Variants in NAALADL2 observed in about 807,000 individuals in gnomAD.
NAALADL2 encodes the protein inactive N-acetylated-alpha-linked acidic dipeptidase-like protein 2.
NAALADL2 carries 76 observed loss-of-function variants against 87.2 expected under a neutral mutation model. The observed-to-expected ratio is 0.87, with a 90% confidence interval of 0.72 to 1.05. The LOEUF (loss-of-function observed/expected upper bound fraction) is 1.05, where lower values mean the gene tolerates loss of function less well. Ranked by LOEUF, NAALADL2 falls within the 50% of genes least tolerant of loss-of-function variation. The pLI is 0.00. For missense variants in NAALADL2, 1,089 were observed against 945.8 expected, an observed-to-expected ratio of 1.15 and a Z score of -1.99; for synonymous variants, 354 against 331.0, an observed-to-expected ratio of 1.07 and a Z score of -0.75.
intron 13 of NAALADL2, among the ~76,000 whole-genome samples, chr3:175,793,341 C>G (rs1234342171): frequency 1.4e-5 from 2 of 138,650 alleles, no homozygotes; most frequent in Non-Finnish European, 3.0e-5. Flanking sequence ...CGGAGTCTCT[C>G]TCTGTCGCCT....
At chr3:175,368,521 C>A (rs1169538372) in intron 5 of NAALADL2, among the ~76,000 whole-genome samples, 1 of 151,702 alleles carries the variant, frequency 6.6e-6, no homozygotes, top group Non-Finnish European at 1.5e-5. Flanking sequence ...ATCTCTAACA[C>A]ATTTTGGTAT....
intron 3 of NAALADL2, among the ~76,000 whole-genome samples, chr3:175,243,323 C>CACACACAT (rs1183194116): frequency 6.9e-6 from 1 of 144,266 alleles, no homozygotes; most frequent in East Asian, 2.1e-4. Context: ...TAGAAGGAAA[C>CACACACAT]ACACACACAC....
intron 5 of NAALADL2, among the ~76,000 whole-genome samples, chr3:175,398,383 C>G (rs1345947286): frequency 6.9e-6 from 1 of 144,152 alleles, no homozygotes; most frequent in Admixed American, 7.0e-5. Flanking sequence ...TTTGCAAGCA[C>G]GGATTGCCCC....
intron 11 of NAALADL2, among the ~76,000 whole-genome samples, chr3:175,698,481 A>ATATT (rs1553953626): frequency 1.8e-5 from 2 of 111,006 alleles, no homozygotes; most frequent in African/African-American, 9.2e-5. Context: ...GTGTATATAT[A>ATATT]TTTATATATA....
intron 2 of NAALADL2, among the ~76,000 whole-genome samples, chr3:174,670,686 G>A (rs1726445652): frequency 6.6e-6 from 1 of 151,800 alleles, no homozygotes. Context: ...ATTGATTTTT[G>A]ATCTTTAAAA....
intron 11 of NAALADL2, among the ~76,000 whole-genome samples, chr3:175,639,655 CT>C (rs1374364528): frequency 6.6e-6 from 1 of 152,064 alleles, no homozygotes; most frequent in Non-Finnish European, 1.5e-5. Flanking sequence ...ATAGGGAACA[CT>C]TTTGTGGTTG....
chr3:175,771,873 C>G (rs766439057), intron 13 of NAALADL2, among the ~76,000 whole-genome samples: 4 of 152,044 alleles, frequency 2.6e-5, no homozygotes, highest in Non-Finnish European at 4.4e-5. Context: ...CCTCAGGAAA[C>G]TTATACATAG....
intron 3 of NAALADL2, among the ~76,000 whole-genome samples, chr3:174,771,115 ATCAT>A (rs1417284912): frequency 6.6e-6 from 1 of 152,170 alleles, no homozygotes; most frequent in Non-Finnish European, 1.5e-5. Context: ...TATTACTTTG[ATCAT>A]TCATTCATTG....
At chr3:174,808,119 G>A (rs576149949) in intron 3 of NAALADL2, among the ~76,000 whole-genome samples, 1 of 152,134 alleles carries the variant, frequency 6.6e-6, no homozygotes, top group African/African-American at 2.4e-5. Context: ...GGTATTTCAA[G>A]TCTCTTAACT....
intron 2 of NAALADL2, among the ~76,000 whole-genome samples, chr3:174,571,996 T>A (rs532515923): frequency 5.3e-5 from 8 of 152,340 alleles, no homozygotes; most frequent in African/African-American, 1.7e-4. Context: ...GCTACCCTGT[T>A]CTTTTTATGA....
intron 1 of NAALADL2, among the ~76,000 whole-genome samples, chr3:175,094,683 G>C (rs1006253008): frequency 6.6e-6 from 1 of 150,888 alleles, no homozygotes; most frequent in Non-Finnish European, 1.5e-5. Context: ...AGAATATTTA[G>C]TATAACATGG....
intron 11 of NAALADL2, among the ~76,000 whole-genome samples, chr3:175,717,691 CAA>C (rs11401276): frequency 5.5e-5 from 6 of 109,756 alleles, no homozygotes; most frequent in Non-Finnish European, 3.9e-5. Flanking sequence ...ACCCTGTCTC[CAA>C]AAAAAAAAAA....
intron 2 of NAALADL2, among the ~76,000 whole-genome samples, chr3:174,712,035 C>A (rs567248296): frequency 6.6e-6 from 1 of 152,172 alleles, no homozygotes; most frequent in African/African-American, 2.4e-5. Flanking sequence ...GATCCACCCA[C>A]CTCGGCCTCC....
intron 5 of NAALADL2, among the ~76,000 whole-genome samples, chr3:175,395,392 A>C (rs912153023): frequency 2.0e-5 from 3 of 152,210 alleles, no homozygotes; most frequent in African/African-American, 7.2e-5. Flanking sequence ...ACTGTTATTC[A>C]TCTTTTCTAT....
chr3:175,311,701 T>TTC (rs1758386236), intron 4 of NAALADL2, among the ~76,000 whole-genome samples: 4 of 141,944 alleles, frequency 2.8e-5, no homozygotes, highest in Non-Finnish European at 3.1e-5. Context: ...CCTTCCTTCC[T>TTC]CTCTCCCTCC....
intron 2 of NAALADL2, among the ~76,000 whole-genome samples, chr3:174,601,962 G>A (rs1345014045): frequency 2.0e-5 from 3 of 152,068 alleles, no homozygotes; most frequent in Admixed American, 6.6e-5. Flanking sequence ...CTGTAGATGT[G>A]TGGATTTATT....
chr3:175,276,316 T>G (rs1753584727), intron 4 of NAALADL2, among the ~76,000 whole-genome samples: 1 of 150,998 alleles, frequency 6.6e-6, no homozygotes, highest in Non-Finnish European at 1.5e-5. Flanking sequence ...TTTTTTTTTT[T>G]TTGAGACGAA....
intron 2 of NAALADL2, among the ~76,000 whole-genome samples, chr3:175,135,293 G>T (rs752804264): frequency 2.6e-5 from 4 of 152,074 alleles, no homozygotes. Flanking sequence ...TTTAATATAC[G>T]TGCCAAGAAA....
At chr3:175,751,127 A>C (rs1285320280) in intron 12 of NAALADL2, among the ~76,000 whole-genome samples, 1 of 152,132 alleles carries the variant, frequency 6.6e-6, no homozygotes, top group East Asian at 1.9e-4. Flanking sequence ...ACCATACTAT[A>C]AAAATTTATT....
Sources: gnomAD v4.1 joint callset for allele counts (sites outside exome capture counted in the v4.1 genomes callset) on GRCh38, gnomAD v4.1.1 for gene constraint, MANE v1.5 for transcripts, NCBI Gene and HGNC (gene_info 2026-07-23, HGNC 2026-07-21) for gene names.